PPP1R12B: variants seen among roughly 807,000 people sequenced by gnomAD.
PPP1R12B encodes the protein protein phosphatase 1 regulatory subunit 12B.
Under a neutral mutation model 126.1 loss-of-function variants are expected in PPP1R12B, and 76 were observed. That is an observed-to-expected ratio of 0.60 (90% CI 0.50 to 0.73). The LOEUF is 0.73. Among genes scored for constraint, PPP1R12B ranks in the 30% least tolerant of loss-of-function variants. The pLI, the probability that PPP1R12B is intolerant of heterozygous loss-of-function variation, is 0.00. For missense variants in PPP1R12B, 1,052 were observed against 1,205.1 expected, an observed-to-expected ratio of 0.87 and a Z score of 1.88; for synonymous variants, 356 against 434.7, an observed-to-expected ratio of 0.82 and a Z score of 2.25.
intron 23 of PPP1R12B, among the ~76,000 whole-genome samples, 177 bp downstream of exon 23, chr1:202,569,374 T>A (rs967290254): frequency 6.6e-6 from 1 of 152,136 alleles, no homozygotes; most frequent in Non-Finnish European, 1.5e-5. Flanking sequence ...CTCTCTCAGC[T>A]CACACAACAT....
chr1:202,573,608 G>A (rs1165389627), intron 23 of PPP1R12B, among the ~76,000 whole-genome samples: 2 of 152,150 alleles, frequency 1.3e-5, no homozygotes, highest in African/African-American at 4.8e-5. Flanking sequence ...TCCTCCCAAA[G>A]AGTTGATGGT....
At chr1:202,465,850 G>C (rs1674908211) in intron 13 of PPP1R12B, among the ~76,000 whole-genome samples, 1 of 152,156 alleles carries the variant, frequency 6.6e-6, no homozygotes, top group Admixed American at 6.5e-5. Context: ...GCGCACTTGT[G>C]CTGAAAATGG....
At chr1:202,411,609 T>C (rs1226415778) in intron 1 of PPP1R12B, among the ~76,000 whole-genome samples, 1 of 151,956 alleles carries the variant, frequency 6.6e-6, no homozygotes, top group Non-Finnish European at 1.5e-5. Flanking sequence ...TTTTTTCCCC[T>C]TGAGGCAGTT....
chr1:202,499,966 A>C (rs1281598646), intron 18 of PPP1R12B, among the ~76,000 whole-genome samples: 1 of 152,256 alleles, frequency 6.6e-6, no homozygotes, highest in Non-Finnish European at 1.5e-5. Context: ...AAAGACAAAA[A>C]ATAACAAAAC....
intron 13 of PPP1R12B, among the ~76,000 whole-genome samples, chr1:202,464,088 C>T (rs191869777): frequency 4.6e-5 from 7 of 152,226 alleles, no homozygotes; most frequent in Admixed American, 4.6e-4. Context: ...AAATTAAAAC[C>T]CACTACTGAC....
At chr1:202,450,220 C>A (rs755059287) in intron 13 of PPP1R12B, among the ~76,000 whole-genome samples, 6 of 151,812 alleles carry the variant, frequency 4.0e-5, no homozygotes, top group Non-Finnish European at 7.4e-5. Flanking sequence ...AGAAGAATAC[C>A]AGAAAAAGAA....
intron 18 of PPP1R12B, among the ~76,000 whole-genome samples, chr1:202,504,109 TTG>T (rs1327947064): frequency 6.6e-6 from 1 of 152,120 alleles, no homozygotes; most frequent in Admixed American, 6.6e-5. Context: ...AAGAAGACTC[TTG>T]AGGCCGGCCG....
intron 18 of PPP1R12B, among the ~76,000 whole-genome samples, chr1:202,512,076 T>TGAGATCACCAA (rs2148896384): frequency 6.6e-6 from 1 of 152,292 alleles, no homozygotes; most frequent in South Asian, 2.1e-4. Context: ...GAAGACTGGG[T>TGAGATCACCAA]GAGATCACCA....
intron 12 of PPP1R12B, among the ~76,000 whole-genome samples, chr1:202,446,291 T>G (rs2148709655): frequency 7.3e-6 from 1 of 137,346 alleles, no homozygotes; most frequent in Admixed American, 7.7e-5. Flanking sequence ...TATCGCTCTG[T>G]CACCCAGGCT....
At position 202,588,446 on chromosome 1, in the gene PPP1R12B, G is replaced by GTTGT. The variant is rs1206851447; in HGVS notation, c.*7888_*7891dup. 1 of 152,558 alleles carries GTTGT rather than the reference G, an allele frequency of 6.6e-6. No individual in the cohort carries two copies. The highest frequency in any genetic ancestry group is 2.4e-5 in the African/African-American group (1 of 41,422). 9.5% of individuals were successfully genotyped at this position (152,558 alleles called of 1,614,324 possible). A position where few individuals can be genotyped will look rare whatever the true frequency, so the allele number is the denominator to read the frequency against. ...GATGAATGGTTTTGTTTTACTGGTTGTTGTTATATAGTTTTGAGTATTCTG... is the reference window on the plus strand; with the variant it reads ...GATGAATGGTTTTGTTTTACTGGTTGTTGTTTGTTATATAGTTTTGAGTATTCTG... On this transcript the variant is annotated 3_prime_UTR_variant, in exon 24 of 24. Transcript: ENST00000608999.
At chr1:202,401,971 G>C (rs538761106) in intron 1 of PPP1R12B, among the ~76,000 whole-genome samples, 60 of 152,312 alleles carry the variant, frequency 3.9e-4, no homozygotes, top group African/African-American at 1.4e-3. Context: ...TTCTGTCTTG[G>C]CAAGCTTCAC....
intron 1 of PPP1R12B, chr1:202,369,800 CTTT>C (rs34583269): frequency 3.4e-5 from 5 of 149,062 alleles, no homozygotes; most frequent in Non-Finnish European, 7.4e-5. Context: ...ATTGGGCACA[CTTT>C]TTTTTTTTTT....
chr1:202,472,123 C>T, intron 13 of PPP1R12B: 1 of 1,482,866 alleles, frequency 6.7e-7, no homozygotes, highest in South Asian at 1.2e-5. Flanking sequence ...GGCATGTTCT[C>T]ATGTGCGTAG....
intron 1 of PPP1R12B, among the ~76,000 whole-genome samples, chr1:202,358,623 AG>A (rs1657563752): frequency 6.6e-6 from 1 of 151,608 alleles, no homozygotes. Flanking sequence ...TGGAGGTTGC[AG>A]TGAGCCAAGG....
At chr1:202,425,452 G>T in intron 3 of PPP1R12B, 114 bp from the exon 4 acceptor site, 1 of 1,169,994 alleles carries the variant, frequency 8.5e-7, no homozygotes, top group Non-Finnish European at 1.2e-6. Flanking sequence ...CAACTTGATG[G>T]CTAAATTGTT....
intron 1 of PPP1R12B, among the ~76,000 whole-genome samples, chr1:202,351,873 T>G (rs1656076449): frequency 6.6e-6 from 1 of 152,230 alleles, no homozygotes; most frequent in African/African-American, 2.4e-5. Context: ...CAGCTTGTGG[T>G]GCCTTGATGC....
At chr1:202,359,136 T>TTTTATAGCCA (rs1247299608) in intron 1 of PPP1R12B, among the ~76,000 whole-genome samples, 53 of 152,212 alleles carry the variant, frequency 3.5e-4, no homozygotes, top group African/African-American at 1.2e-3. Context: ...CAATCCTAGA[T>TTTTATAGCCA]ATCACATAAT....
chr1:202,450,568 T>C (rs985550874), intron 13 of PPP1R12B, among the ~76,000 whole-genome samples: 1 of 152,238 alleles, frequency 6.6e-6, no homozygotes, highest in Non-Finnish European at 1.5e-5. Flanking sequence ...CTTCATATTA[T>C]TTTGAATATC....
intron 13 of PPP1R12B, among the ~76,000 whole-genome samples, chr1:202,465,861 C>G (rs1419586567): frequency 6.6e-6 from 1 of 152,138 alleles, no homozygotes; most frequent in Non-Finnish European, 1.5e-5. Flanking sequence ...CTGAAAATGG[C>G]TCATTAATCA....
Sources: allele counts gnomAD v4.1 joint callset (sites outside exome capture counted in the v4.1 genomes callset), GRCh38; gene constraint gnomAD v4.1.1; transcripts MANE v1.5; gene names NCBI Gene and HGNC (gene_info 2026-07-23, HGNC 2026-07-21).